Variants in ERBB4 observed in about 807,000 individuals in gnomAD.
ERBB4 encodes the protein erb-b2 receptor tyrosine kinase 4, also known as receptor tyrosine-protein kinase erbB-4.
Under a neutral mutation model 158.0 loss-of-function variants are expected in ERBB4, and 42 were observed. That is an observed-to-expected ratio of 0.27 (90% CI 0.21 to 0.34). The LOEUF is 0.34. ERBB4 is among the 10% of genes least tolerant of loss of function. The pLI is 1.00. For synonymous variants in ERBB4, 583 were observed against 558.7 expected (o/e 1.04, Z -0.61); for missense variants, 1,333 against 1,624.1 (o/e 0.82, Z 3.08).
chr2:212,063,541 T>C (rs1317171383), intron 2 of ERBB4, among the ~76,000 whole-genome samples: 1 of 151,850 alleles, frequency 6.6e-6, no homozygotes, highest in Non-Finnish European at 1.5e-5. Flanking sequence ...ACTAGAAAAA[T>C]ATAAATGTAT....
intron 1 of ERBB4, among the ~76,000 whole-genome samples, chr2:212,169,944 C>T (rs965842243): frequency 6.6e-6 from 1 of 152,056 alleles, no homozygotes; most frequent in Non-Finnish European, 1.5e-5. Flanking sequence ...TATAAATTAC[C>T]CAGTCTCAGG....
chr2:212,200,434 T>C (rs1415623956), intron 1 of ERBB4, among the ~76,000 whole-genome samples: 1 of 152,186 alleles, frequency 6.6e-6, no homozygotes. Flanking sequence ...AGATGACTAT[T>C]GGTTATTTTT....
intron 1 of ERBB4, among the ~76,000 whole-genome samples, chr2:212,218,127 T>G (rs2083162288): frequency 6.6e-6 from 1 of 151,374 alleles, no homozygotes; most frequent in South Asian, 2.1e-4. Flanking sequence ...AAGTCTCCAT[T>G]GCTAACGAGA....
chr2:211,451,769 A>G (rs1020312086), intron 20 of ERBB4, among the ~76,000 whole-genome samples: 1 of 152,116 alleles, frequency 6.6e-6, no homozygotes, highest in Non-Finnish European at 1.5e-5. Flanking sequence ...AACATAAAGA[A>G]CAAGTTTTAG....
intron 12 of ERBB4, among the ~76,000 whole-genome samples, chr2:211,697,623 T>A (rs1314027220): frequency 6.6e-6 from 1 of 152,148 alleles, no homozygotes; most frequent in Non-Finnish European, 1.5e-5. Context: ...AGTTCACATA[T>A]AAAGCAATTT....
At chr2:212,361,206 T>C (rs1368528830) in intron 1 of ERBB4, among the ~76,000 whole-genome samples, 1 of 151,698 alleles carries the variant, frequency 6.6e-6, no homozygotes. Flanking sequence ...GTTCATACAA[T>C]GTAATTGATA....
At chr2:212,144,775 A>T (rs1374229667) in intron 1 of ERBB4, among the ~76,000 whole-genome samples, 2 of 152,196 alleles carry the variant, frequency 1.3e-5, no homozygotes, top group African/African-American at 2.4e-5. Flanking sequence ...CTTCTATCGC[A>T]TAAAAAGTAT....
At chr2:211,422,329 A>AT (rs2063530370) in intron 23 of ERBB4, among the ~76,000 whole-genome samples, 2 of 151,764 alleles carry the variant, frequency 1.3e-5, no homozygotes, top group South Asian at 4.1e-4. Context: ...CAAAAGATAA[A>AT]TTTTTTCTCT....
chr2:212,505,875 T>A (rs945783078), intron 1 of ERBB4, among the ~76,000 whole-genome samples: 1 of 148,912 alleles, frequency 6.7e-6, no homozygotes, highest in Non-Finnish European at 1.5e-5. Context: ...GTAGGAGGTA[T>A]ATAGGGTAAA....
intron 1 of ERBB4, among the ~76,000 whole-genome samples, chr2:212,363,660 ATACT>A (rs769527285): frequency 3.3e-5 from 5 of 151,612 alleles, no homozygotes; most frequent in East Asian, 1.9e-4. Flanking sequence ...TAAAAAAAAA[ATACT>A]TATATATTTG....
At chr2:212,172,294 A>T (rs1168252379) in intron 1 of ERBB4, among the ~76,000 whole-genome samples, 2 of 90,738 alleles carry the variant, frequency 2.2e-5, no homozygotes, top group Non-Finnish European at 5.1e-5. Context: ...GAGAAAAAGG[A>T]ATGTTTTTTT....
At chr2:212,228,019 A>G (rs1176326547) in intron 1 of ERBB4, among the ~76,000 whole-genome samples, 2 of 152,194 alleles carry the variant, frequency 1.3e-5, no homozygotes, top group African/African-American at 2.4e-5. Flanking sequence ...ATCATGTTAC[A>G]TTAATGAAAA....
Position 211,657,777 on chromosome 2 carries a change from A to G in ERBB4, c.1923T>C (p.His641=). 1 of 1,613,872 alleles carries G rather than the reference A, an allele frequency of 6.2e-7. No homozygotes were observed. The highest frequency in any genetic ancestry group is 8.5e-7 in the Non-Finnish European group (1 of 1,179,772). ...ACCTAGCATGTTGTGGTAAAGTGGAATGGCCCGTCCATGGGTAGTAAATGC... is the reference window on the plus strand; with the variant it reads ...ACCTAGCATGTTGTGGTAAAGTGGAGTGGCCCGTCCATGGGTAGTAAATGC... ...HDCIYYPWTG[H]STLPQHARTP... is the part of the protein sequence containing the mutation. The change falls in exon 16 of 28, where the codon CAT becomes CAC. Residue 641 remains histidine, a synonymous_variant. Transcript: ENST00000342788.
At chr2:211,833,538 C>A (rs2077270961) in intron 3 of ERBB4, among the ~76,000 whole-genome samples, 1 of 151,900 alleles carries the variant, frequency 6.6e-6, no homozygotes, top group South Asian at 2.1e-4. Context: ...TCAGATCTAG[C>A]TCTGAGCTAT....
In ERBB4 at chr2:211,378,388, C is replaced by G. The variant is rs770149519; in HGVS notation, c.*5227G>C. 4.3e-6 allele frequency: 1 copy of G among 232,754 alleles called. No homozygotes were observed. Among genetic ancestry groups the G allele is most frequent in the Non-Finnish European group, 8.5e-6 (1 of 117,532 alleles). The allele number at this position is 232,754 out of a possible 1,614,324, so 14.4% of individuals were successfully genotyped here. Reference sequence around the variant, plus strand: ...CAGGGGCCTGCAAAAGTGACAGATCCTACATTTTTGGACCTCTACAAAATC... The same window carrying G: ...CAGGGGCCTGCAAAAGTGACAGATCGTACATTTTTGGACCTCTACAAAATC... On this transcript the variant is annotated 3_prime_UTR_variant, in exon 28 of 28. Transcript: ENST00000342788.
At chr2:212,210,923 C>T (rs903308088) in intron 1 of ERBB4, among the ~76,000 whole-genome samples, 1 of 152,066 alleles carries the variant, frequency 6.6e-6, no homozygotes, top group African/African-American at 2.4e-5. Flanking sequence ...TGGCATCTCT[C>T]TCTCTCTCAT....
intron 7 of ERBB4, among the ~76,000 whole-genome samples, chr2:211,718,811 A>G (rs757624114): frequency 2.1e-4 from 32 of 152,360 alleles, no homozygotes; most frequent in Non-Finnish European, 2.8e-4. Flanking sequence ...GAATGACCAG[A>G]ATACCTCCAT....
intron 1 of ERBB4, among the ~76,000 whole-genome samples, chr2:212,449,021 T>A (rs2092406813): frequency 6.6e-6 from 1 of 152,136 alleles, no homozygotes; most frequent in South Asian, 2.1e-4. Flanking sequence ...CATATTTCTA[T>A]TCAGTCTAAG....
At chr2:212,148,504 A>C (rs1244339067) in intron 1 of ERBB4, among the ~76,000 whole-genome samples, 2 of 152,164 alleles carry the variant, frequency 1.3e-5, no homozygotes, top group Non-Finnish European at 2.9e-5. Context: ...ACAAAGCCCT[A>C]GGTACTTTCA....
Sources: gnomAD v4.1 joint callset for allele counts (sites outside exome capture counted in the v4.1 genomes callset) on GRCh38, gnomAD v4.1.1 for gene constraint, MANE v1.5 for transcripts, NCBI Gene and HGNC (gene_info 2026-07-23, HGNC 2026-07-21) for gene names.